The following TENM3 variants were observed in gnomAD, a reference collection of about 807,000 sequenced individuals.
The protein encoded by TENM3 is teneurin transmembrane protein 3.
In TENM3, 63 loss-of-function variants were observed where a neutral mutation model predicts 255.1. The ratio of observed to expected loss-of-function variants is 0.25; its 90% CI spans 0.20 to 0.30. The LOEUF is 0.30. TENM3 is among the 10% of genes least tolerant of loss of function. TENM3 has a pLI of 1.00. For missense variants in TENM3, 2,929 were observed against 3,461.1 expected (o/e 0.85, Z 3.86); for synonymous variants, 1,306 against 1,322.3 (o/e 0.99, Z 0.27).
the TENM3 span, among the ~76,000 whole-genome samples, chr4:181,850,971 T>A: frequency 1.3e-5 from 2 of 152,118 alleles, no homozygotes; most frequent in African/African-American, 2.4e-5. Flanking sequence ...CATGCTTAGC[T>A]GCTGCCGGAG....
At chr4:182,568,217 T>C (rs1454627991) in intron 3 of TENM3, among the ~76,000 whole-genome samples, 1 of 152,180 alleles carries the variant, frequency 6.6e-6, no homozygotes, top group African/African-American at 2.4e-5. Context: ...ACCTGGCTTA[T>C]TACAGCATTC....
chr4:182,603,738 G>A (rs1437831763), intron 4 of TENM3, among the ~76,000 whole-genome samples: 1 of 122,084 alleles, frequency 8.2e-6, no homozygotes, highest in African/African-American at 2.8e-5. Flanking sequence ...TTTTAATCTA[G>A]TGTATTGTTT....
the TENM3 span, among the ~76,000 whole-genome samples, chr4:181,868,808 A>G: frequency 6.6e-6 from 1 of 152,168 alleles, no homozygotes; most frequent in Non-Finnish European, 1.5e-5. Context: ...TAGCATAATA[A>G]ATGACAAAAT....
chr4:182,663,504 A>C (rs1414165781), intron 6 of TENM3, among the ~76,000 whole-genome samples: 1 of 152,206 alleles, frequency 6.6e-6, no homozygotes, highest in Non-Finnish European at 1.5e-5. Context: ...ATGAAACATA[A>C]AAAGTGAAAA....
chr4:181,713,702 A>G, the TENM3 span, among the ~76,000 whole-genome samples: 220 of 152,298 alleles, frequency 1.4e-3, no homozygotes, highest in African/African-American at 4.9e-3. Flanking sequence ...TAGACTAGAT[A>G]TCCCTATACT....
the TENM3 span, among the ~76,000 whole-genome samples, chr4:182,105,770 G>T: frequency 6.6e-6 from 1 of 152,286 alleles, no homozygotes; most frequent in African/African-American, 2.4e-5. Flanking sequence ...TTGTCCACAT[G>T]ATTGATCTCT....
At chr4:182,638,255 A>G (rs1000043463) in intron 5 of TENM3, among the ~76,000 whole-genome samples, 1 of 152,200 alleles carries the variant, frequency 6.6e-6, no homozygotes, top group Admixed American at 6.5e-5. Context: ...TTTCAAAAAA[A>G]TGTTTTTAAA....
chr4:182,579,997 T>C (rs1745330141), intron 3 of TENM3, among the ~76,000 whole-genome samples: 1 of 152,162 alleles, frequency 6.6e-6, no homozygotes, highest in African/African-American at 2.4e-5. Flanking sequence ...TTGCAGGATG[T>C]TGAGGTCCGT....
chr4:182,628,868 A>G lies in TENM3; in HGVS notation c.967A>G (p.Ile323Val). 1 of 1,600,794 alleles carries G rather than the reference A, an allele frequency of 6.2e-7. No homozygotes were observed. Among genetic ancestry groups the G allele is most frequent in the Non-Finnish European group, 8.5e-7 (1 of 1,172,292 alleles). ...CGTAGGGGTCTCGGTGCTCCTGGCA[A>G]TACTCCTGTCTTATTTTATAGGTAA... ...CAVGVSVLLA[I>V]LLSYFIAMHL... is the part of the protein sequence containing the mutation. The change falls in exon 5 of 28, where the codon ATA becomes GTA. Residue 323 changes from isoleucine to valine, a missense_variant. Physicochemically the swap from Ile to Val is conservative, Grantham distance 29. Transcript: ENST00000511685.
chr4:181,931,858 C>T, the TENM3 span, among the ~76,000 whole-genome samples: 1 of 151,994 alleles, frequency 6.6e-6, no homozygotes. Context: ...TCAGAAATAA[C>T]ACAACACATC....
chr4:181,543,229 C>T, the TENM3 span, among the ~76,000 whole-genome samples: 8 of 152,238 alleles, frequency 5.3e-5, no homozygotes, highest in Non-Finnish European at 7.4e-5. Flanking sequence ...TACTCAAAGC[C>T]GGGCCTTCGT....
chr4:182,753,954 A>G (rs999364022), intron 21 of TENM3, among the ~76,000 whole-genome samples: 23 of 152,196 alleles, frequency 1.5e-4, no homozygotes, highest in African/African-American at 5.1e-4. Context: ...GAGAGAACCC[A>G]CTATGATTAG....
intron 3 of TENM3, among the ~76,000 whole-genome samples, chr4:182,441,385 A>G (rs925330660): frequency 6.6e-6 from 1 of 152,258 alleles, no homozygotes; most frequent in Admixed American, 6.5e-5. Flanking sequence ...TGATGTATAC[A>G]TAGGAAAGAA....
chr4:182,114,145 A>G, the TENM3 span, among the ~76,000 whole-genome samples: 1 of 152,302 alleles, frequency 6.6e-6, no homozygotes, highest in East Asian at 1.9e-4. Flanking sequence ...TATCTAAACC[A>G]CTATGCATTT....
the TENM3 span, among the ~76,000 whole-genome samples, chr4:181,836,855 G>T: frequency 1.3e-5 from 2 of 152,100 alleles, no homozygotes; most frequent in African/African-American, 4.8e-5. Context: ...CAATCTGAAG[G>T]AAAATTGATA....
At chr4:182,695,895 ATC>A (rs1757362396) in intron 12 of TENM3, among the ~76,000 whole-genome samples, 2 of 152,216 alleles carry the variant, frequency 1.3e-5, no homozygotes, top group Non-Finnish European at 2.9e-5. Flanking sequence ...TTGAGTATTT[ATC>A]AGAATTCCTG....
chr4:182,439,844 A>G (rs183304189), intron 3 of TENM3, among the ~76,000 whole-genome samples: 13 of 152,224 alleles, frequency 8.5e-5, no homozygotes, highest in African/African-American at 2.9e-4. Flanking sequence ...TGAAATCTCT[A>G]CTTGGGGCTT....
chr4:181,690,027 C>T, the TENM3 span, among the ~76,000 whole-genome samples: 2 of 152,140 alleles, frequency 1.3e-5, no homozygotes, highest in African/African-American at 4.8e-5. Flanking sequence ...TTGCCATGTG[C>T]ATATTGAACG....
rs748240488 is a variant in TENM3, at chr4:182,755,147, T to C, written c.4780T>C (p.Cys1594Arg). 6.2e-7 allele frequency: 1 copy of C among 1,613,960 alleles called. No individual in the cohort carries two copies. Among genetic ancestry groups the C allele is most frequent in the Non-Finnish European group, 8.5e-7 (1 of 1,179,884 alleles). Residue 1594 changes from cysteine (C) to arginine (R), a missense_variant, in exon 22 of 28, where the codon TGT (cysteine) becomes CGT (arginine). Physicochemically the swap from Cys to Arg is radical, Grantham distance 180. Coordinates refer to ENST00000511685, the MANE Select transcript of TENM3 (RefSeq NM_001080477.4). ...VIWLTIGTNG[C>R]LKSMTAQGLE... The stretch of plus-strand genomic sequence containing the variant: ...ATGGTTGACAATAGGAACAAATGGA[T>C]GTTTGAAAAGCATGACTGCTCAAGG...
Sources: gnomAD v4.1 joint callset for allele counts (sites outside exome capture counted in the v4.1 genomes callset) on GRCh38, gnomAD v4.1.1 for gene constraint, MANE v1.5 for transcripts, NCBI Gene and HGNC (gene_info 2026-07-23, HGNC 2026-07-21) for gene names.